The following RBFOX1 variants were observed in gnomAD, a reference collection of about 807,000 sequenced individuals.
RBFOX1 encodes RNA binding fox-1 homolog 1, also known as RNA binding protein fox-1 homolog 1.
RBFOX1 carries 8 observed loss-of-function variants against 57.7 expected under a neutral mutation model. The ratio of observed to expected loss-of-function variants is 0.14; its 90% CI spans 0.08 to 0.25. The LOEUF (loss-of-function observed/expected upper bound fraction) is 0.25, where lower values mean the gene tolerates loss of function less well. Among genes scored for constraint, RBFOX1 ranks in the 10% least tolerant of loss-of-function variants. RBFOX1 has a pLI of 1.00. For missense variants in RBFOX1, 611 were observed against 548.5 expected (o/e 1.11, Z -1.14); for synonymous variants, 326 against 222.4 (o/e 1.47, Z -4.15).
chr16:5,554,350 G>A (rs1043522645), intron 2 of RBFOX1, among the ~76,000 whole-genome samples: 2 of 151,892 alleles, frequency 1.3e-5, no homozygotes, highest in African/African-American at 2.4e-5. Flanking sequence ...TATAAAACTG[G>A]TGTATATTTC....
chr16:6,562,863 TCTTTCTTTCTTTC>T lies in RBFOX1; in HGVS notation c.-63-91739_-63-91727del, dbSNP rs1567693679. ...TTCTTTCTTTCTTTCTTTCTTTCTT[TCTTTCTTTCTTTC>T]TTTCTTTTTTTTTTTTTTTTTTGCA... On this transcript the variant is annotated intron_variant, in intron 2 of 15. Coordinates refer to ENST00000550418, the MANE Select transcript of RBFOX1 (RefSeq NM_018723.4). Among the ~76,000 whole-genome samples the T allele has an allele frequency of 7.5e-4, 47 of 62,822 alleles. 1 individual carries two copies. The highest frequency in any genetic ancestry group is 3.6e-3 in the African/African-American group (43 of 11,844). 41.2% of individuals were successfully genotyped at this position (62,822 alleles called of 152,430 possible). A position where few individuals can be genotyped will look rare whatever the true frequency, so the allele number is the denominator to read the frequency against.
chr16:5,380,468 T>G (rs2066103719), intron 1 of RBFOX1, among the ~76,000 whole-genome samples: 1 of 152,226 alleles, frequency 6.6e-6, no homozygotes, highest in Non-Finnish European at 1.5e-5. Flanking sequence ...ATACTAAATG[T>G]GCACTTGTAC....
intron 3 of RBFOX1, among the ~76,000 whole-genome samples, chr16:6,717,067 C>G (rs1047690277): frequency 6.6e-6 from 1 of 152,240 alleles, no homozygotes. Context: ...ATGTGCAAAC[C>G]AAGAGTTCCC....
intron 2 of RBFOX1, among the ~76,000 whole-genome samples, chr16:5,579,473 G>C (rs1357949092): frequency 6.6e-6 from 1 of 152,056 alleles, no homozygotes; most frequent in Non-Finnish European, 1.5e-5. Context: ...TCCAGCCCCA[G>C]CCTCTCAAAC....
At chr16:5,746,083 A>G (rs2052968922) in intron 3 of RBFOX1, among the ~76,000 whole-genome samples, 1 of 152,228 alleles carries the variant, frequency 6.6e-6, no homozygotes, top group Non-Finnish European at 1.5e-5. Flanking sequence ...TCTAACATTT[A>G]AGTCTTGAAT....
chr16:5,346,395 A>G (rs1431534364), intron 1 of RBFOX1, among the ~76,000 whole-genome samples: 3 of 152,158 alleles, frequency 2.0e-5, no homozygotes, highest in Non-Finnish European at 2.9e-5. Flanking sequence ...CGAGGGAGCA[A>G]TTAATTAAGA....
Position 7,634,686 on chromosome 16 carries a change from C to T in RBFOX1, c.757+4003C>T, listed in dbSNP as rs73490682. ...GTCCATACAACTAATTCCGTAGACT[C>T]TTCCATCGGACCCCAAATGACTCCA... is the stretch of plus-strand genomic sequence containing the variant. On this transcript the variant is annotated intron_variant, in intron 11 of 15. Coordinates refer to ENST00000550418, the MANE Select transcript of RBFOX1 (RefSeq NM_018723.4). Among the ~76,000 whole-genome samples, 708 of 152,262 alleles carry T rather than the reference C, an allele frequency of 4.6e-3. 5 individuals carry two copies. Among genetic ancestry groups the T allele is most frequent in the African/African-American group, 0.016 (669 of 41,556 alleles).
At chr16:6,952,610 C>T (rs548991513) in intron 3 of RBFOX1, among the ~76,000 whole-genome samples, 1 of 151,908 alleles carries the variant, frequency 6.6e-6, no homozygotes, top group Non-Finnish European at 1.5e-5. Context: ...TGGACTACAG[C>T]CTGGGCAACA....
intron 4 of RBFOX1, among the ~76,000 whole-genome samples, chr16:7,461,654 C>G (rs980816851): frequency 1.3e-5 from 2 of 152,132 alleles, no homozygotes; most frequent in African/African-American, 4.8e-5. Context: ...TCTTGGAATT[C>G]ATAACAACCC....
At chr16:5,903,380 T>C (rs1043171736) in intron 4 of RBFOX1, among the ~76,000 whole-genome samples, 1 of 152,120 alleles carries the variant, frequency 6.6e-6, no homozygotes, top group Non-Finnish European at 1.5e-5. Flanking sequence ...TCCTGACACT[T>C]CCTATTACTC....
At chr16:6,578,990 A>C (rs1304909833) in intron 2 of RBFOX1, among the ~76,000 whole-genome samples, 1 of 152,024 alleles carries the variant, frequency 6.6e-6, no homozygotes, top group Non-Finnish European at 1.5e-5. Context: ...ATCACCACTA[A>C]AGCACTTATT....
chr16:7,538,308 G>A (rs1027168952), intron 5 of RBFOX1, among the ~76,000 whole-genome samples: 2 of 152,144 alleles, frequency 1.3e-5, no homozygotes, highest in African/African-American at 4.8e-5. Flanking sequence ...AATGGTATGT[G>A]CTGTCCATCT....
downstream of RBFOX1, among the ~76,000 whole-genome samples, chr16:5,603,766 C>G (rs149411163): frequency 1.0e-3 from 159 of 152,224 alleles, no homozygotes; most frequent in African/African-American, 3.8e-3. Flanking sequence ...CATGTGGCCA[C>G]AAGATGGAGA....
At chr16:5,902,571 A>G (rs1015660251) in intron 4 of RBFOX1, among the ~76,000 whole-genome samples, 1 of 151,806 alleles carries the variant, frequency 6.6e-6, no homozygotes, top group African/African-American at 2.4e-5. Context: ...GCCTGCCACC[A>G]TGGCCAGCTG....
intron 4 of RBFOX1, among the ~76,000 whole-genome samples, chr16:7,323,284 C>T (rs1195809188): frequency 3.3e-5 from 5 of 152,224 alleles, no homozygotes; most frequent in African/African-American, 9.6e-5. Flanking sequence ...AATTGCCAGA[C>T]GTGCTGGTAT....
chr16:7,177,171 G>A (rs778180146), intron 4 of RBFOX1, among the ~76,000 whole-genome samples: 42 of 152,152 alleles, frequency 2.8e-4, no homozygotes, highest in Non-Finnish European at 5.3e-4. Flanking sequence ...TTGTCCAGGA[G>A]TAGTTTTCCC....
intron 3 of RBFOX1, among the ~76,000 whole-genome samples, chr16:6,815,642 G>C (rs1401294509): frequency 1.3e-5 from 2 of 152,014 alleles, no homozygotes; most frequent in African/African-American, 4.8e-5. Context: ...CTTTCTCAAG[G>C]CTACCTACTT....
intron 3 of RBFOX1, among the ~76,000 whole-genome samples, chr16:5,677,124 G>T (rs1475092446): frequency 6.6e-6 from 1 of 152,232 alleles, no homozygotes; most frequent in Non-Finnish European, 1.5e-5. Context: ...CAAACGGACA[G>T]AAGGGGAAGA....
intron 10 of RBFOX1, 117 bp downstream of exon 10, chr16:7,607,455 G>C: frequency 1.1e-6 from 1 of 948,556 alleles, no homozygotes; most frequent in East Asian, 2.5e-5. Context: ...ATCCTAACAA[G>C]TTCTGAATGA....
Sources: gnomAD v4.1 joint callset for allele counts (sites outside exome capture counted in the v4.1 genomes callset) on GRCh38, gnomAD v4.1.1 for gene constraint, MANE v1.5 for transcripts, NCBI Gene and HGNC (gene_info 2026-07-23, HGNC 2026-07-21) for gene names.